The following ABCA10 variants were observed in gnomAD, a reference collection of about 807,000 sequenced individuals.
The protein encoded by ABCA10 is ATP binding cassette subfamily A member 10, also known as ATP-binding cassette sub-family A member 10.
Under a neutral mutation model 187.5 loss-of-function variants are expected in ABCA10, and 169 were observed. The observed-to-expected ratio is 0.90, with a 90% confidence interval of 0.80 to 1.02. The LOEUF is 1.02. Among genes scored for constraint, ABCA10 ranks in the 50% least tolerant of loss-of-function variants. The probability of loss-of-function intolerance (pLI) is 0.00; values close to 1 mark genes in which losing one functional copy is unlikely to be tolerated. For synonymous variants in ABCA10, 574 were observed against 601.8 expected (o/e 0.95, Z 0.68); for missense variants, 1,727 against 1,812.4 (o/e 0.95, Z 0.86).
rs1443607343 is a variant in ABCA10, at chr17:69,153,558, C to T, written c.3966-12G>A. ...GAGCTTCCACCAATCTGACAAAAAA[C>T]AGTGTGATTATACATGAAGTATATG... On this transcript the variant is annotated splice_polypyrimidine_tract_variant and intron_variant, in intron 32 of 38. Coordinates refer to ENST00000690296, the MANE Select transcript of ABCA10 (RefSeq NM_001377321.1). The T allele has an allele frequency of 1.1e-5, 17 of 1,613,930 alleles. No homozygotes were observed. Among genetic ancestry groups the T allele is most frequent in the Non-Finnish European group, 1.4e-5 (17 of 1,179,962 alleles).
chr17:69,203,183 G>A (rs961731785), intron 9 of ABCA10, among the ~76,000 whole-genome samples: 34 of 152,092 alleles, frequency 2.2e-4, no homozygotes, highest in African/African-American at 8.0e-4. Flanking sequence ...GATATTATGT[G>A]GGAGAGAAGA....
intron 12 of ABCA10, 149 bp downstream of exon 12, chr17:69,194,236 T>C: frequency 1.3e-6 from 1 of 748,124 alleles, no homozygotes; most frequent in South Asian, 1.8e-5. Context: ...AATGTTTTCA[T>C]GAATTTATGT....
chr17:69,208,812 G>A (rs2074612846), intron 9 of ABCA10, among the ~76,000 whole-genome samples: 2 of 152,118 alleles, frequency 1.3e-5, no homozygotes, highest in African/African-American at 4.8e-5. Flanking sequence ...CAAGGTGGGA[G>A]GATCCCTTGA....
At chr17:69,220,632 T>C (rs1158495) in intron 5 of ABCA10, among the ~76,000 whole-genome samples, 110,657 of 152,032 alleles carry the variant, frequency 0.73, 40,615 homozygotes, top group African/African-American at 0.77. Context: ...AAAACATCCA[T>C]GTTCATTTTT....
intron 9 of ABCA10, among the ~76,000 whole-genome samples, chr17:69,208,054 A>T (rs1249386800): frequency 6.6e-6 from 1 of 152,212 alleles, no homozygotes; most frequent in Non-Finnish European, 1.5e-5. Flanking sequence ...TTGGCAATTA[A>T]ATTATTTTTA....
rs1480621345 is a variant in ABCA10, at chr17:69,177,971, A to ATATATATATATATATATATGTTAT, written c.2770-2459_2770-2458insATAACATATATATATATATATATA. Among the ~76,000 whole-genome samples, 43 of 56,906 alleles carry ATATATATATATATATATATGTTAT rather than the reference A, an allele frequency of 7.6e-4. 1 individual carries two copies. Among genetic ancestry groups the ATATATATATATATATATATGTTAT allele is most frequent in the Non-Finnish European group, 1.3e-3 (30 of 23,520 alleles). 37.3% of individuals were successfully genotyped at this position (56,906 alleles called of 152,430 possible). On this transcript the variant is annotated intron_variant, in intron 22 of 38. Coordinates refer to ENST00000690296, the MANE Select transcript of ABCA10 (RefSeq NM_001377321.1). ...ACTCCATTTCAAAAAAAAAAAAAAA[A>ATATATATATATATATATATGTTAT]AAATATATATATATATATATGTTAT... is the stretch of plus-strand genomic sequence containing the variant.
At chr17:69,223,067 T>A in intron 3 of ABCA10, among the ~76,000 whole-genome samples, 1 of 141,080 alleles carries the variant, frequency 7.1e-6, no homozygotes, top group Admixed American at 7.4e-5. Flanking sequence ...GGAGAGGGGG[T>A]AGGGGAGGAG....
upstream of ABCA10, chr17:69,233,025 A>G (rs1156527717): frequency 6.6e-6 from 1 of 152,022 alleles, no homozygotes; most frequent in Non-Finnish European, 1.5e-5. Context: ...GTTTGATTAT[A>G]ATATATCTTG....
intron 6 of ABCA10, among the ~76,000 whole-genome samples, chr17:69,219,315 G>A (rs1024311027): frequency 1.3e-5 from 2 of 152,048 alleles, no homozygotes; most frequent in African/African-American, 4.8e-5. Flanking sequence ...GTTTTTATGC[G>A]GCATTTTTCG....
chr17:69,156,525 T>C (rs565674472), intron 28 of ABCA10, among the ~76,000 whole-genome samples: 1 of 152,302 alleles, frequency 6.6e-6, no homozygotes, highest in East Asian at 1.9e-4. Context: ...AAACTGATGT[T>C]AAATGTACTG....
At chr17:69,242,290 A>G (rs1568081552) in intron 1 of ABCA10, among the ~76,000 whole-genome samples, 1 of 152,224 alleles carries the variant, frequency 6.6e-6, no homozygotes, top group Non-Finnish European at 1.5e-5. Flanking sequence ...ATCTTTTCCT[A>G]CAACTATATG....
At chr17:69,237,793 C>T (rs1428484934) in intron 1 of ABCA10, among the ~76,000 whole-genome samples, 1 of 152,054 alleles carries the variant, frequency 6.6e-6, no homozygotes, top group Non-Finnish European at 1.5e-5. Context: ...TTGAAGAAGA[C>T]ACAAGACATT....
intron 22 of ABCA10, among the ~76,000 whole-genome samples, chr17:69,177,973 AAT>A (rs58222975): frequency 1.8e-3 from 90 of 50,002 alleles, no homozygotes; most frequent in South Asian, 6.5e-3. Flanking sequence ...AAAAAAAAAA[AAT>A]ATATATATAT....
chr17:69,149,373 C>G (rs1407053639), intron 37 of ABCA10: 6 of 346,354 alleles, frequency 1.7e-5, no homozygotes, highest in Admixed American at 4.3e-5. Context: ...AATCAGTTGT[C>G]GAGAATAATT....
At chr17:69,210,826 A>T (rs1343203777) in intron 9 of ABCA10, among the ~76,000 whole-genome samples, 1 of 135,056 alleles carries the variant, frequency 7.4e-6, no homozygotes, top group East Asian at 2.0e-4. Flanking sequence ...ACATATATAT[A>T]TATGCCACAT....
rs145482427 is a variant in ABCA10 at position 69,212,354 on chromosome 17, T to C, written c.1006+2350A>G. ...TGGTCTGAGACAGTGCTTGATATAATGTTGATTTATTGAGACTTGTTTTGT... is the reference window on the plus strand; with the variant it reads ...TGGTCTGAGACAGTGCTTGATATAACGTTGATTTATTGAGACTTGTTTTGT... On this transcript the variant is annotated intron_variant, in intron 9 of 38. Transcript: ENST00000690296. Among the ~76,000 whole-genome samples the C allele has an allele frequency of 2.5e-3, 374 of 152,282 alleles. 3 individuals carry two copies. Among genetic ancestry groups the C allele is most frequent in the African/African-American group, 8.7e-3 (361 of 41,562 alleles).
At chr17:69,196,644 T>C (rs921432866) in intron 11 of ABCA10, among the ~76,000 whole-genome samples, 28 of 152,110 alleles carry the variant, frequency 1.8e-4, no homozygotes, top group Non-Finnish European at 1.8e-4. Context: ...CTCGGCACTT[T>C]GGGAGGCCAA....
chr17:69,240,576 T>A (rs376078176), intron 1 of ABCA10, among the ~76,000 whole-genome samples: 1 of 152,152 alleles, frequency 6.6e-6, no homozygotes, highest in African/African-American at 2.4e-5. Context: ...TACAGTGAAA[T>A]GCAATTTCTT....
chr17:69,209,699 C>T (rs1031546988), intron 9 of ABCA10, among the ~76,000 whole-genome samples: 1 of 115,256 alleles, frequency 8.7e-6, no homozygotes, highest in Non-Finnish European at 1.9e-5. Context: ...TGTCACTGAA[C>T]AATGGGGATA....
Sources: allele counts gnomAD v4.1 joint callset (sites outside exome capture counted in the v4.1 genomes callset), GRCh38; gene constraint gnomAD v4.1.1; transcripts MANE v1.5; gene names NCBI Gene and HGNC (gene_info 2026-07-23, HGNC 2026-07-21).